Variants in SLC26A2 observed in about 807,000 individuals in gnomAD.
SLC26A2 encodes solute carrier family 26 member 2.
In SLC26A2, 36 loss-of-function variants were observed where a neutral mutation model predicts 41.1. That is an observed-to-expected ratio of 0.88 (90% CI 0.67 to 1.16). The LOEUF (loss-of-function observed/expected upper bound fraction) is 1.16, where lower values mean the gene tolerates loss of function less well. Among genes scored for constraint, SLC26A2 ranks in the 50% most tolerant of loss-of-function variants. The pLI is 0.00. For synonymous variants in SLC26A2, 291 were observed against 311.6 expected (o/e 0.93, Z 0.70); for missense variants, 796 against 869.6 (o/e 0.92, Z 1.07).
chr5:149,966,257 G>C (rs1325851055), intron 1 of SLC26A2, among the ~76,000 whole-genome samples: 1 of 152,118 alleles, frequency 6.6e-6, no homozygotes, highest in African/African-American at 2.4e-5. Flanking sequence ...CTTGATCTCT[G>C]TCTAGCTCTA....
At position 149,980,997 on chromosome 5, in the gene SLC26A2, C is replaced by T; in HGVS notation, c.1404C>T (p.Leu468=). 1 of 1,614,126 alleles carries T rather than the reference C, an allele frequency of 6.2e-7. No individual in the cohort carries two copies. The change falls in exon 3 of 3, where the codon CTC becomes CTT. Residue 468 remains leucine, a synonymous_variant. Transcript: ENST00000286298. ...VVTALVLLLV[L]LVIAPLFYSL... Reference sequence around the variant, plus strand: ...CAGCCCTGGTTCTTTTGTTGGTCCTCCTAGTAATAGCTCCTTTGTTCTATT... The same window carrying T: ...CAGCCCTGGTTCTTTTGTTGGTCCTTCTAGTAATAGCTCCTTTGTTCTATT...
At chr5:149,972,128 A>C (rs564646518) in intron 1 of SLC26A2, among the ~76,000 whole-genome samples, 23 of 152,378 alleles carry the variant, frequency 1.5e-4, no homozygotes, top group Middle Eastern at 3.4e-3. Context: ...TTCAGAGCCC[A>C]GGTTAGATAT....
intron 1 of SLC26A2, among the ~76,000 whole-genome samples, chr5:149,976,157 CA>C (rs1346245034): frequency 0.11 from 8,453 of 79,242 alleles, 500 homozygotes; most frequent in African/African-American, 0.26. Flanking sequence ...AACTCTGTCT[CA>C]AAAAAAAAAA....
rs867540010 is a variant in SLC26A2, at chr5:149,978,282, G to C, written c.630G>C (p.Arg210Ser). The C allele has an allele frequency of 1.9e-6, 3 of 1,613,932 alleles. No homozygotes were observed. The highest frequency in any genetic ancestry group is 1.3e-5 in the African/African-American group (1 of 74,894). The change falls in exon 2 of 3, where the codon AGG becomes AGC. Residue 210 changes from arginine (R) to serine (S), a missense_variant. Coordinates refer to ENST00000286298, the MANE Select transcript of SLC26A2 (RefSeq NM_000112.4). ...GSTLLNHTSDRICDKSCYAIM... is the reference protein window; with the variant it reads ...GSTLLNHTSDSICDKSCYAIM... Reference sequence around the variant, plus strand: ...CATTATTAAATCATACATCAGACAGGATATGTGACAAAAGTTGCTATGCAA... The same window carrying C: ...CATTATTAAATCATACATCAGACAGCATATGTGACAAAAGTTGCTATGCAA...
chr5:149,978,216 C>T lies in SLC26A2; in HGVS notation c.564C>T (p.Ala188=). The T allele has an allele frequency of 6.2e-7, 1 of 1,614,014 alleles. No individual in the cohort carries two copies. ...RELQKAGYDN[A]HSAPSLGMVS... ...TACAGAAAGCTGGCTATGACAATGC[C>T]CATAGTGCTCCTTCCTTAGGAATGG... is the stretch of plus-strand genomic sequence containing the variant. Residue 188 remains alanine (A), a synonymous_variant, in exon 2 of 3, where the codon GCC becomes GCT. Transcript: ENST00000286298.
Position 149,981,182 on chromosome 5 carries a change from G to C in SLC26A2, c.1589G>C (p.Gly530Ala), listed in dbSNP as rs780124320. ...LSSALLSTEI[G>A]LLVGVCFSIF... ...TCTGCACTGCTAAGTACTGAAATAGGCCTACTTGTTGGGGTTTGTTTTTCT... is the reference window on the plus strand; with the variant it reads ...TCTGCACTGCTAAGTACTGAAATAGCCCTACTTGTTGGGGTTTGTTTTTCT... The change falls in exon 3 of 3, where the codon GGC becomes GCC. Residue 530 changes from glycine (G) to alanine (A), a missense_variant. Transcript: ENST00000286298. 1 of 1,614,068 alleles carries C rather than the reference G, an allele frequency of 6.2e-7. No homozygotes were observed. Among genetic ancestry groups the C allele is most frequent in the South Asian group, 1.1e-5 (1 of 91,070 alleles).
At chr5:149,966,192 A>G (rs1754802675) in intron 1 of SLC26A2, among the ~76,000 whole-genome samples, 1 of 152,212 alleles carries the variant, frequency 6.6e-6, no homozygotes. Context: ...GTTGTAAACC[A>G]CTGGTACCCA....
At chr5:149,966,868 A>G (rs1362421908) in intron 1 of SLC26A2, among the ~76,000 whole-genome samples, 1 of 152,200 alleles carries the variant, frequency 6.6e-6, no homozygotes, top group Non-Finnish European at 1.5e-5. Context: ...AAGAAATAAA[A>G]CCTTGCTTAG....
intron 1 of SLC26A2, among the ~76,000 whole-genome samples, chr5:149,963,204 G>A (rs545630285): frequency 4.6e-5 from 7 of 152,124 alleles, no homozygotes; most frequent in African/African-American, 1.7e-4. Flanking sequence ...CTGCCTCCTG[G>A]GTTCAAGTGA....
chr5:149,987,058 A>T lies in SLC26A2; in HGVS notation c.*5245A>T, dbSNP rs1385135573. 6.6e-6 allele frequency: 1 copy of T among 152,214 alleles called. No homozygotes were observed. 9.4% of individuals were successfully genotyped at this position (152,214 alleles called of 1,614,324 possible). On this transcript the variant is annotated 3_prime_UTR_variant, in exon 3 of 3. Coordinates refer to ENST00000286298, the MANE Select transcript of SLC26A2 (RefSeq NM_000112.4). ...TCAGGGTGACAGGTGAATGAACTTA[A>T]ATTCTCAGTCTTGTCTATTCACCAA...
At chr5:149,978,995 G>T (rs1755046959) in intron 2 of SLC26A2, among the ~76,000 whole-genome samples, 1 of 151,992 alleles carries the variant, frequency 6.6e-6, no homozygotes, top group Non-Finnish European at 1.5e-5. Flanking sequence ...TGGGATTATA[G>T]CCATGAGCCA....
At chr5:149,978,628 A>G (rs912347921) in intron 2 of SLC26A2, among the ~76,000 whole-genome samples, 13 of 151,966 alleles carry the variant, frequency 8.6e-5, no homozygotes, top group East Asian at 3.9e-4. Context: ...GGTTATTGGC[A>G]GAGTCAGCAT....
chr5:149,971,180 C>A (rs1754892727), intron 1 of SLC26A2, among the ~76,000 whole-genome samples: 1 of 152,140 alleles, frequency 6.6e-6, no homozygotes, highest in Admixed American at 6.5e-5. Context: ...CAGTCTAGGG[C>A]AAGGGCCTGG....
chr5:149,969,056 A>G (rs957968182), intron 1 of SLC26A2, among the ~76,000 whole-genome samples: 7 of 152,204 alleles, frequency 4.6e-5, no homozygotes, highest in African/African-American at 1.7e-4. Flanking sequence ...ATGTCTTTTA[A>G]AGAAACAAAA....
intron 1 of SLC26A2, among the ~76,000 whole-genome samples, chr5:149,965,248 C>T (rs1240716239): frequency 5.3e-5 from 8 of 152,002 alleles, no homozygotes; most frequent in African/African-American, 1.2e-4. Context: ...TTTGGGAGGC[C>T]GAGGCAGGCG....
intron 2 of SLC26A2, among the ~76,000 whole-genome samples, chr5:149,978,560 C>T (rs974029097): frequency 6.6e-6 from 1 of 152,166 alleles, no homozygotes; most frequent in Non-Finnish European, 1.5e-5. Context: ...CCACCCAGTA[C>T]AACTCCTTAA....
rs1255485754 is a variant in SLC26A2, at chr5:149,980,948, A to G, written c.1355A>G (p.His452Arg). Residue 452 changes from histidine (H) to arginine (R), a missense_variant, in exon 3 of 3, where the codon CAT becomes CGT. Transcript: ENST00000286298. ...KTLVKESTGC[H>R]TQLSGVVTAL... Reference sequence around the variant, plus strand: ...TTGGTTAAAGAATCAACAGGCTGCCATACTCAGCTTTCTGGTGTGGTAACA... The same window carrying G: ...TTGGTTAAAGAATCAACAGGCTGCCGTACTCAGCTTTCTGGTGTGGTAACA... 2.5e-6 allele frequency: 4 copies of G among 1,614,062 alleles called. No homozygotes were observed. The African/African-American group carries it at 4.0e-5, about 16-fold the overall frequency.
At position 149,978,031 on chromosome 5, in the gene SLC26A2, A is replaced by G. The variant is rs1350762980; in HGVS notation, c.379A>G (p.Ile127Val). The change falls in exon 2 of 3, where the codon ATT becomes GTT. Residue 127 changes from isoleucine (I) to valine (V), a missense_variant. By Grantham distance (29) the Ile-to-Val change is conservative. Coordinates refer to ENST00000286298, the MANE Select transcript of SLC26A2 (RefSeq NM_000112.4). ...IVGILLVPQS[I>V]AYSLLAGQEP... ...GGGCATATTATTGGTGCCCCAGTCC[A>G]TTGCTTATTCCCTGCTGGCTGGCCA... 1.9e-6 allele frequency: 3 copies of G among 1,613,904 alleles called. No homozygotes were observed. Among genetic ancestry groups the G allele is most frequent in the East Asian group, 2.2e-5 (1 of 44,898 alleles).
At position 149,981,733 on chromosome 5, in the gene SLC26A2, G is replaced by A. The variant is rs1190941806; in HGVS notation, c.2140G>A (p.Glu714Lys). 1 of 1,611,898 alleles carries A rather than the reference G, an allele frequency of 6.2e-7. No homozygotes were observed. The highest frequency in any genetic ancestry group is 8.5e-7 in the Non-Finnish European group (1 of 1,179,428). ...EENLLFYSVY[E>K]AMAFAEVSKN... ...AAACCTTCTCTTCTATAGTGTGTAT[G>A]AAGCGATGGCTTTTGCAGAAGTATC... The change falls in exon 3 of 3, where the codon GAA becomes AAA. Residue 714 changes from glutamate to lysine, a missense_variant. Transcript: ENST00000286298.
Sources: allele counts gnomAD v4.1 joint callset (sites outside exome capture counted in the v4.1 genomes callset), GRCh38; gene constraint gnomAD v4.1.1; transcripts MANE v1.5; gene names NCBI Gene and HGNC (gene_info 2026-07-23, HGNC 2026-07-21).